The following DHRSX variants were observed in gnomAD, a reference collection of about 807,000 sequenced individuals.
The protein encoded by DHRSX is polyprenol dehydrogenase.
In DHRSX, 31 loss-of-function variants were observed where a neutral mutation model predicts 34.0. That is an observed-to-expected ratio of 0.91 (90% CI 0.69 to 1.23). The LOEUF (loss-of-function observed/expected upper bound fraction) is 1.23, where lower values mean the gene tolerates loss of function less well. DHRSX is among the 50% of genes most tolerant of loss of function. The pLI is 0.00. For missense variants in DHRSX, 414 were observed against 428.1 expected, an observed-to-expected ratio of 0.97 and a Z score of 0.29; for synonymous variants, 201 against 183.8, an observed-to-expected ratio of 1.09 and a Z score of -0.76.
At chrX:2,306,745 T>A (rs73185788) in intron 3 of DHRSX, among the ~76,000 whole-genome samples, 51,481 of 151,830 alleles carry the variant, frequency 0.34, 10,356 homozygotes, top group Middle Eastern at 0.48. Context: ...TATTGGCCTG[T>A]AGTTTTCTAT....
At chrX:2,374,663 C>A (rs1242039052) in intron 3 of DHRSX, among the ~76,000 whole-genome samples, 1 of 137,342 alleles carries the variant, frequency 7.3e-6, no homozygotes, top group African/African-American at 2.5e-5. Context: ...TGCTGGAACC[C>A]GGGAGGCGGA....
Position 2,259,367 on chromosome X carries a change from TATATATAG to T in DHRSX, c.596+7365_596+7372del, listed in dbSNP as rs1569480938. Among the ~76,000 whole-genome samples the T allele has an allele frequency of 1.6e-3, 130 of 80,304 alleles. 1 individual carries two copies. The highest frequency in any genetic ancestry group is 5.4e-3 in the Middle Eastern group (1 of 186). 52.7% of individuals were successfully genotyped at this position (80,304 alleles called of 152,430 possible). On this transcript the variant is annotated intron_variant, in intron 5 of 6. Transcript: ENST00000334651. The stretch of plus-strand genomic sequence containing the variant: ...ATATAGATATATAGATAGATATAGA[TATATATAG>T]ATATATATATAGATATATAGATATA...
chrX:2,360,100 TAAG>T (rs1281628855), intron 3 of DHRSX, among the ~76,000 whole-genome samples: 1 of 152,012 alleles, frequency 6.6e-6, no homozygotes, highest in Non-Finnish European at 1.5e-5. Context: ...GTTTGAACTA[TAAG>T]AATCAAAATT....
At chrX:2,458,038 T>G (rs1461819201) in intron 1 of DHRSX, among the ~76,000 whole-genome samples, 2 of 152,050 alleles carry the variant, frequency 1.3e-5, no homozygotes, top group East Asian at 3.9e-4. Flanking sequence ...ACTGCCGCCA[T>G]GTACACACTA....
intron 1 of DHRSX, among the ~76,000 whole-genome samples, chrX:2,478,487 T>C (rs1403454803): frequency 6.9e-6 from 1 of 145,904 alleles, no homozygotes; most frequent in East Asian, 2.0e-4. Context: ...CCTAAGAATG[T>C]GGCCAAGGGA....
At chrX:2,483,742 TA>T (rs1371123345) in intron 1 of DHRSX, among the ~76,000 whole-genome samples, 1 of 121,960 alleles carries the variant, frequency 8.2e-6, no homozygotes, top group South Asian at 2.6e-4. Flanking sequence ...CCAGGACAAA[TA>T]AGTGGATTCC....
At position 2,264,441 on chromosome X, in the gene DHRSX, G is replaced by A. The variant is rs1268531501; in HGVS notation, c.596+2299C>T. ...GTCCAGCAGACTCAGGGAGCACTGT[G>A]CCCAGAGCACCTGTGCTCAGCAGAC... is the stretch of plus-strand genomic sequence containing the variant. On this transcript the variant is annotated intron_variant, in intron 5 of 6. Transcript: ENST00000334651. Among the ~76,000 whole-genome samples the A allele has an allele frequency of 1.3e-4, 20 of 150,198 alleles. 1 individual carries two copies. Among genetic ancestry groups the A allele is most frequent in the Non-Finnish European group, 2.8e-4 (19 of 67,532 alleles).
chrX:2,229,764 T>C (rs1028322896), intron 6 of DHRSX, among the ~76,000 whole-genome samples: 6 of 151,906 alleles, frequency 3.9e-5, no homozygotes, highest in African/African-American at 1.2e-4. Flanking sequence ...TGCATGTGTG[T>C]GGGGGCGCAG....
At chrX:2,226,941 G>A (rs2015678797) in intron 6 of DHRSX, among the ~76,000 whole-genome samples, 1 of 152,072 alleles carries the variant, frequency 6.6e-6, no homozygotes, top group Non-Finnish European at 1.5e-5. Flanking sequence ...GGAAGCTCTG[G>A]GACCTGTCTC....
chrX:2,414,353 A>G (rs1214199428), intron 2 of DHRSX, among the ~76,000 whole-genome samples: 2 of 151,896 alleles, frequency 1.3e-5, no homozygotes, highest in Admixed American at 1.3e-4. Flanking sequence ...TGACCTAACA[A>G]AATCTCATCA....
At chrX:2,365,032 C>T (rs1189784595) in intron 3 of DHRSX, among the ~76,000 whole-genome samples, 1 of 152,124 alleles carries the variant, frequency 6.6e-6, no homozygotes, top group East Asian at 1.9e-4. Flanking sequence ...ATCTATCTAT[C>T]TGTCTGTCAT....
intron 5 of DHRSX, among the ~76,000 whole-genome samples, chrX:2,246,706 GAGAAAGAAAGAAAGAAAGAA>G (rs997986324): frequency 9.3e-6 from 1 of 107,406 alleles, no homozygotes; most frequent in Non-Finnish European, 2.0e-5. Flanking sequence ...AAGAAAGAAA[GAGAAAGAAAGAAAGAAAGAA>G]AGAAAGAAAG....
At chrX:2,321,839 G>A (rs935524307) in intron 3 of DHRSX, among the ~76,000 whole-genome samples, 4 of 151,938 alleles carry the variant, frequency 2.6e-5, no homozygotes, top group Non-Finnish European at 4.4e-5. Context: ...CCTCCTGTCC[G>A]CTCTCATCTT....
chrX:2,322,405 T>C (rs187829681), intron 3 of DHRSX, among the ~76,000 whole-genome samples: 4,236 of 151,620 alleles, frequency 0.028, 200 homozygotes, highest in African/African-American at 0.096. Context: ...AAAAATTAGC[T>C]GGGCGTGGTG....
chrX:2,247,212 GT>G (rs2016318785), intron 5 of DHRSX, among the ~76,000 whole-genome samples: 1 of 152,140 alleles, frequency 6.6e-6, no homozygotes, highest in African/African-American at 2.4e-5. Flanking sequence ...GCCTTCCAAA[GT>G]GCTGGGATTA....
At chrX:2,480,040 A>T (rs2044745793) in intron 1 of DHRSX, among the ~76,000 whole-genome samples, 1 of 151,872 alleles carries the variant, frequency 6.6e-6, no homozygotes, top group Non-Finnish European at 1.5e-5. Context: ...AAAGGAAATC[A>T]GCCCATCAAT....
At chrX:2,248,413 A>G (rs1345408855) in intron 5 of DHRSX, among the ~76,000 whole-genome samples, 2 of 146,408 alleles carry the variant, frequency 1.4e-5, no homozygotes, top group Non-Finnish European at 3.0e-5. Context: ...AGCCTGGGCG[A>G]CAGAGCGAGA....
intron 3 of DHRSX, among the ~76,000 whole-genome samples, chrX:2,343,036 C>T (rs774187064): frequency 6.6e-6 from 1 of 152,280 alleles, no homozygotes; most frequent in South Asian, 2.1e-4. Flanking sequence ...ACATCAGCCT[C>T]ATGACTCATG....
intron 3 of DHRSX, among the ~76,000 whole-genome samples, chrX:2,307,332 T>C (rs1362288697): frequency 6.6e-6 from 1 of 152,106 alleles, no homozygotes; most frequent in African/African-American, 2.4e-5. Flanking sequence ...GAGAGGGGTG[T>C]AAAGGCTAAA....
Sources: gnomAD v4.1 joint callset for allele counts (sites outside exome capture counted in the v4.1 genomes callset) on GRCh38, gnomAD v4.1.1 for gene constraint, MANE v1.5 for transcripts, NCBI Gene and HGNC (gene_info 2026-07-23, HGNC 2026-07-21) for gene names.